PTPRM: variants seen among roughly 807,000 people sequenced by gnomAD.
The protein encoded by PTPRM is receptor-type tyrosine-protein phosphatase mu.
Under a neutral mutation model 186.7 loss-of-function variants are expected in PTPRM, and 47 were observed. That is an observed-to-expected ratio of 0.25 (90% CI 0.20 to 0.32). The LOEUF is 0.32. PTPRM is among the 10% of genes least tolerant of loss of function. The pLI is 1.00. For missense variants in PTPRM, 1,494 were observed against 1,865.0 expected, an observed-to-expected ratio of 0.80 and a Z score of 3.66; for synonymous variants, 668 against 674.9, an observed-to-expected ratio of 0.99 and a Z score of 0.16.
At chr18:7,843,531 T>G (rs951778065) in intron 2 of PTPRM, among the ~76,000 whole-genome samples, 12 of 152,204 alleles carry the variant, frequency 7.9e-5, no homozygotes, top group African/African-American at 2.7e-4. Flanking sequence ...ACTACTAATA[T>G]ATTATCATTG....
chr18:8,194,324 G>T (rs1277780983), intron 14 of PTPRM, among the ~76,000 whole-genome samples: 2 of 152,158 alleles, frequency 1.3e-5, no homozygotes, highest in African/African-American at 4.8e-5. Context: ...GAGAACACTG[G>T]TTATTTTAGC....
At chr18:7,987,003 G>T (rs1331133054) in intron 7 of PTPRM, among the ~76,000 whole-genome samples, 1 of 152,140 alleles carries the variant, frequency 6.6e-6, no homozygotes, top group Non-Finnish European at 1.5e-5. Context: ...CCAATGTCTT[G>T]ATCTTGAGCT....
At chr18:7,682,754 G>A (rs1482130196) in intron 1 of PTPRM, among the ~76,000 whole-genome samples, 2 of 152,182 alleles carry the variant, frequency 1.3e-5, no homozygotes, top group African/African-American at 4.8e-5. Flanking sequence ...ATAATTTGCT[G>A]AAGGGGCTTG....
intron 7 of PTPRM, among the ~76,000 whole-genome samples, chr18:8,052,188 C>T (rs527246716): frequency 6.6e-6 from 1 of 152,224 alleles, no homozygotes; most frequent in East Asian, 1.9e-4. Context: ...TAGGCTCTTT[C>T]TCAAATTTCT....
At chr18:7,986,727 G>T (rs967016228) in intron 7 of PTPRM, among the ~76,000 whole-genome samples, 2 of 152,192 alleles carry the variant, frequency 1.3e-5, no homozygotes, top group African/African-American at 4.8e-5. Context: ...TATAATGGAG[G>T]TCTGAGTTGG....
chr18:7,821,482 C>T (rs1187733171), intron 2 of PTPRM, among the ~76,000 whole-genome samples: 2 of 151,712 alleles, frequency 1.3e-5, no homozygotes, highest in Admixed American at 6.6e-5. Flanking sequence ...TCCTCTTATC[C>T]ACAAGAGATA....
chr18:7,819,097 G>T (rs2045020678), intron 2 of PTPRM, among the ~76,000 whole-genome samples: 1 of 152,196 alleles, frequency 6.6e-6, no homozygotes, highest in Non-Finnish European at 1.5e-5. Context: ...ATGTCCAGTG[G>T]TTTCTTACTT....
chr18:7,722,851 G>T (rs778722577), intron 1 of PTPRM, among the ~76,000 whole-genome samples: 2 of 152,172 alleles, frequency 1.3e-5, no homozygotes, highest in African/African-American at 2.4e-5. Flanking sequence ...AAATCGGTAC[G>T]CAAATGGCTT....
chr18:8,109,989 G>A (rs2091688306), intron 11 of PTPRM, among the ~76,000 whole-genome samples: 1 of 152,058 alleles, frequency 6.6e-6, no homozygotes, highest in African/African-American at 2.4e-5. Context: ...TGAGTATTTG[G>A]GTAATGAATA....
intron 32 of PTPRM, among the ~76,000 whole-genome samples, chr18:8,397,589 C>T (rs1046411849): frequency 6.6e-6 from 1 of 152,116 alleles, no homozygotes; most frequent in African/African-American, 2.4e-5. Context: ...CTAAGTTATC[C>T]ATCTCTTCAA....
Position 7,669,481 on chromosome 18 carries a change from C to T in PTPRM, c.73+101590C>T, listed in dbSNP as rs371923347. Among the ~76,000 whole-genome samples the T allele has an allele frequency of 1.7e-4, 26 of 152,222 alleles. 1 individual carries two copies. Among genetic ancestry groups the T allele is most frequent in the Middle Eastern group, 3.4e-3 (1 of 294 alleles). ...TAGAGCAGCATTGATTGCCATAGCT[C>T]AGCTGATTTATAAAGCATGTGCTTG... On this transcript the variant is annotated intron_variant, in intron 1 of 32. Coordinates refer to ENST00000580170, the MANE Select transcript of PTPRM (RefSeq NM_001105244.2).
At chr18:7,907,320 C>T (rs2050038795) in intron 4 of PTPRM, among the ~76,000 whole-genome samples, 1 of 152,186 alleles carries the variant, frequency 6.6e-6, no homozygotes, top group Admixed American at 6.5e-5. Context: ...ACTGTAGCTG[C>T]TTGAAGCAGA....
At chr18:8,318,393 C>G (rs938251218) in intron 21 of PTPRM, among the ~76,000 whole-genome samples, 1 of 138,412 alleles carries the variant, frequency 7.2e-6, no homozygotes, top group South Asian at 2.3e-4. Flanking sequence ...AACCCCTGGG[C>G]TTATGCAATC....
At chr18:7,577,829 C>T (rs2036730323) in intron 1 of PTPRM, among the ~76,000 whole-genome samples, 1 of 152,140 alleles carries the variant, frequency 6.6e-6, no homozygotes, top group African/African-American at 2.4e-5. Context: ...ATTTTCATCC[C>T]AAATGTGTGA....
chr18:8,157,662 C>T (rs531439823), intron 14 of PTPRM, among the ~76,000 whole-genome samples: 24 of 152,356 alleles, frequency 1.6e-4, no homozygotes, highest in Middle Eastern at 3.4e-3. Flanking sequence ...GGCTCCTACT[C>T]AGTCAAGTGG....
rs1177996098 is a variant in PTPRM at position 7,926,619 on chromosome 18, A to G, written c.599A>G (p.Gln200Arg). Residue 200 changes from glutamine to arginine, a missense_variant, in exon 5 of 33, where the codon CAG becomes CGG. Physicochemically the swap from Gln to Arg is conservative, Grantham distance 43 (BLOSUM62 1). Transcript: ENST00000580170. ...RIQNVEVNAGQFATFQCSAIG... is the reference protein window; with the variant it reads ...RIQNVEVNAGRFATFQCSAIG... ...CAGAATGTGGAAGTTAATGCTGGCCAGTTTGCTACCTTCCAGTGCAGTGCC... is the reference window on the plus strand; with the variant it reads ...CAGAATGTGGAAGTTAATGCTGGCCGGTTTGCTACCTTCCAGTGCAGTGCC... 1.2e-6 allele frequency: 2 copies of G among 1,613,700 alleles called. No homozygotes were observed. Among genetic ancestry groups the G allele is most frequent in the East Asian group, 2.2e-5 (1 of 44,882 alleles).
At position 7,583,757 on chromosome 18, in the gene PTPRM, T is replaced by G. The variant is rs576077525; in HGVS notation, c.73+15866T>G. 1.6e-4 allele frequency among the ~76,000 whole-genome samples: 24 copies of G among 152,348 alleles called. 1 individual carries two copies. Among genetic ancestry groups the G allele is most frequent in the Middle Eastern group, 3.4e-3 (1 of 294 alleles). On this transcript the variant is annotated intron_variant, in intron 1 of 32. Coordinates refer to ENST00000580170, the MANE Select transcript of PTPRM (RefSeq NM_001105244.2). Reference sequence around the variant, plus strand: ...GTAGATAGAACTGTGTTTTTGTAATTTCTTGTGTTTTCCATCCGAATATCT... The same window carrying G: ...GTAGATAGAACTGTGTTTTTGTAATGTCTTGTGTTTTCCATCCGAATATCT...
At position 8,178,655 on chromosome 18, in the gene PTPRM, T is replaced by A. The variant is rs192942378; in HGVS notation, c.2300+34876T>A. 4.9e-4 allele frequency among the ~76,000 whole-genome samples: 74 copies of A among 152,074 alleles called. 2 individuals are homozygous for A. The East Asian group carries it at 0.014, about 29-fold the overall frequency. ...AAAAAAAACTAGCTGGGCATGGTGG[T>A]ATGTGCCTGTAATCCCAGCTACTCG... On this transcript the variant is annotated intron_variant, in intron 14 of 32. Transcript: ENST00000580170.
At chr18:8,200,260 T>C (rs1301759997) in intron 14 of PTPRM, among the ~76,000 whole-genome samples, 1 of 152,044 alleles carries the variant, frequency 6.6e-6, no homozygotes, top group Non-Finnish European at 1.5e-5. Context: ...CTCTCTATGA[T>C]CCCATCGCTG....
Sources: gnomAD v4.1 joint callset for allele counts (sites outside exome capture counted in the v4.1 genomes callset) on GRCh38, gnomAD v4.1.1 for gene constraint, MANE v1.5 for transcripts, NCBI Gene and HGNC (gene_info 2026-07-23, HGNC 2026-07-21) for gene names.